The following SEMA5B variants were observed in gnomAD, a reference collection of about 807,000 sequenced individuals.
SEMA5B encodes semaphorin 5B, also known as semaphorin-5B.
Under a neutral mutation model 135.0 loss-of-function variants are expected in SEMA5B, and 66 were observed. The ratio of observed to expected loss-of-function variants is 0.49; its 90% CI spans 0.40 to 0.60. SEMA5B has a LOEUF of 0.60. SEMA5B is among the 20% of genes least tolerant of loss of function. SEMA5B has a pLI of 0.00. For synonymous variants in SEMA5B, 690 were observed against 639.5 expected (o/e 1.08, Z -1.19); for missense variants, 1,501 against 1,566.3 (o/e 0.96, Z 0.70).
rs1032481659 is a variant in SEMA5B, at chr3:123,000,113, C to A, written c.-39+27351G>T. Reference sequence around the variant, plus strand: ...GTCCCAGCTACTCAGGAGGTTGAGGCAGGAGACTCGCTTGGACCCAGGAGG... The same window carrying A: ...GTCCCAGCTACTCAGGAGGTTGAGGAAGGAGACTCGCTTGGACCCAGGAGG... On this transcript the variant is annotated intron_variant, in intron 1 of 22. Coordinates refer to ENST00000357599, the MANE Select transcript of SEMA5B (RefSeq NM_001031702.4). 3.3e-5 allele frequency among the ~76,000 whole-genome samples: 5 copies of A among 152,174 alleles called. No homozygotes were observed. The South Asian group carries it at 1.0e-3, about 32-fold the overall frequency.
At position 122,987,824 on chromosome 3, in the gene SEMA5B, G is replaced by T. The variant is rs571421984; in HGVS notation, c.-38-26523C>A. Among the ~76,000 whole-genome samples the T allele has an allele frequency of 3.3e-5, 5 of 152,276 alleles. No individual in the cohort carries two copies. In the East Asian group the frequency reaches 9.6e-4, roughly 29 times the overall value. On this transcript the variant is annotated intron_variant, in intron 1 of 22. Coordinates refer to ENST00000357599, the MANE Select transcript of SEMA5B (RefSeq NM_001031702.4). ...AATCAGGACATAAGTAGTGAGTTTT[G>T]TTGGGGTTGGGTTTTTGAAATTTAT...
In SEMA5B at chr3:122,923,760, G is replaced by A. The variant is rs1482945383; in HGVS notation, c.1137-8C>T. Reference sequence around the variant, plus strand: ...GAAGCCGCGATGCTGTTTCTGAAAGGCAAGAAGTGGTGGCACAGGGCCCTC... The same window carrying A: ...GAAGCCGCGATGCTGTTTCTGAAAGACAAGAAGTGGTGGCACAGGGCCCTC... On this transcript the variant is annotated splice_region_variant and splice_polypyrimidine_tract_variant and intron_variant, in intron 9 of 22. Coordinates refer to ENST00000357599, the MANE Select transcript of SEMA5B (RefSeq NM_001031702.4). The A allele has an allele frequency of 1.2e-6, 2 of 1,613,850 alleles. No individual in the cohort carries two copies. The highest frequency in any genetic ancestry group is 1.7e-6 in the Non-Finnish European group (2 of 1,179,960).
intron 12 of SEMA5B, among the ~76,000 whole-genome samples, chr3:122,921,340 T>C (rs969009495): frequency 4.8e-4 from 73 of 152,272 alleles, no homozygotes; most frequent in African/African-American, 1.7e-3. Flanking sequence ...AATCTGTGAG[T>C]CCGCTTGAAG....
chr3:123,003,873 A>G (rs1262100207), intron 1 of SEMA5B, among the ~76,000 whole-genome samples: 1 of 152,012 alleles, frequency 6.6e-6, no homozygotes, highest in Non-Finnish European at 1.5e-5. Flanking sequence ...TAATAAAAAG[A>G]AAGTTCTTGA....
chr3:123,009,072 G>A (rs1011775780), intron 1 of SEMA5B, among the ~76,000 whole-genome samples: 5 of 152,168 alleles, frequency 3.3e-5, no homozygotes, highest in South Asian at 2.1e-4. Context: ...CATAAGACAC[G>A]GACCCGGTGG....
chr3:122,913,631 C>G lies in SEMA5B; in HGVS notation c.2183G>C (p.Trp728Ser), dbSNP rs1256131458. 6.2e-7 allele frequency: 1 copy of G among 1,613,526 alleles called. No individual in the cohort carries two copies. The highest frequency in any genetic ancestry group is 8.5e-7 in the Non-Finnish European group (1 of 1,179,964). ...GCTGCTGCACTTGCTCCAGGAGCCC[C>G]AGGAAGCCCAGAAGATGGGCACCGG... is the stretch of plus-strand genomic sequence containing the variant. The part of the protein sequence containing the change: ...PCPVPIFWAS[W>S]GSWSKCSSNC... The change falls in exon 16 of 23, where the codon TGG becomes TCG. Residue 728 changes from tryptophan to serine, a missense_variant. Transcript: ENST00000357599.
chr3:122,933,849 T>C (rs1939105279), intron 5 of SEMA5B, among the ~76,000 whole-genome samples: 1 of 152,128 alleles, frequency 6.6e-6, no homozygotes, highest in South Asian at 2.1e-4. Context: ...AAGTTTATTG[T>C]TTTATAAACA....
chr3:123,018,421 C>G (rs1942608014), intron 1 of SEMA5B, among the ~76,000 whole-genome samples: 1 of 152,246 alleles, frequency 6.6e-6, no homozygotes, highest in Non-Finnish European at 1.5e-5. Context: ...AGAGGAGCTT[C>G]TTTCACCAGA....
Position 122,922,364 on chromosome 3 carries a change from G to T in SEMA5B, c.1356C>A (p.Ser452Arg), listed in dbSNP as rs758040580. The part of the protein sequence containing the change: ...LQDAQRLFLM[S>R]EAVQPVTPEP... Reference sequence around the variant, plus strand: ...CGGGTGTCACCGGCTGCACGGCCTCGCTCATCAGGAAGAGGCGCTGCGCGT... The same window carrying T: ...CGGGTGTCACCGGCTGCACGGCCTCTCTCATCAGGAAGAGGCGCTGCGCGT... Residue 452 changes from serine to arginine, a missense_variant, in exon 11 of 23, where the codon AGC becomes AGA. Around this residue, in one of 2 missense-constraint regions of SEMA5B, gnomAD observed 574 missense variants for 684.7 expected, o/e 0.84. Coordinates refer to ENST00000357599, the MANE Select transcript of SEMA5B (RefSeq NM_001031702.4). 1 of 1,613,102 alleles carries T rather than the reference G, an allele frequency of 6.2e-7. No individual in the cohort carries two copies. The highest frequency in any genetic ancestry group is 8.5e-7 in the Non-Finnish European group (1 of 1,179,654).
intron 1 of SEMA5B, among the ~76,000 whole-genome samples, chr3:123,023,003 T>A (rs1259551050): frequency 6.6e-6 from 1 of 152,184 alleles, no homozygotes; most frequent in Admixed American, 6.5e-5. Context: ...TGTTCCAGAT[T>A]ACCCATTAGA....
chr3:123,026,872 G>T (rs1251496428), intron 1 of SEMA5B, among the ~76,000 whole-genome samples: 1 of 152,244 alleles, frequency 6.6e-6, no homozygotes, highest in Non-Finnish European at 1.5e-5. Flanking sequence ...GAGCCTGGTG[G>T]GCAGAGTTCA....
At chr3:123,008,626 T>G (rs1200474986) in intron 1 of SEMA5B, among the ~76,000 whole-genome samples, 1 of 152,098 alleles carries the variant, frequency 6.6e-6, no homozygotes, top group East Asian at 1.9e-4. Context: ...ATGTCAACAA[T>G]GTCAAATTTG....
At chr3:122,998,337 C>T (rs181574897) in intron 1 of SEMA5B, among the ~76,000 whole-genome samples, 6 of 151,524 alleles carry the variant, frequency 4.0e-5, no homozygotes, top group Non-Finnish European at 7.4e-5. Context: ...GCGGAAAGGA[C>T]GGGGCTTTGG....
chr3:122,913,482 C>G, intron 16 of SEMA5B, 52 bp downstream of exon 16: 2 of 1,574,986 alleles, frequency 1.3e-6, no homozygotes, highest in Middle Eastern at 1.7e-4. Context: ...CCGCCCTCCC[C>G]TCGGCTCCAG....
intron 12 of SEMA5B, 38 bp downstream of exon 12, chr3:122,921,877 G>T (rs1444041631): frequency 4.0e-6 from 6 of 1,499,024 alleles, no homozygotes; most frequent in Non-Finnish European, 5.3e-6. Context: ...CGCCTCCTCC[G>T]CAGTGGAGGC....
chr3:123,002,898 C>G (rs76088924), intron 1 of SEMA5B, among the ~76,000 whole-genome samples: 6,589 of 152,238 alleles, frequency 0.043, 175 homozygotes, highest in Middle Eastern at 0.075. Context: ...TGACCCCGGA[C>G]ATACTTATTT....
chr3:122,929,724 G>T (rs1938858141), intron 5 of SEMA5B, among the ~76,000 whole-genome samples: 1 of 152,106 alleles, frequency 6.6e-6, no homozygotes, highest in Non-Finnish European at 1.5e-5. Context: ...CCCACTGTCT[G>T]CACTTTCCTC....
intron 1 of SEMA5B, among the ~76,000 whole-genome samples, chr3:122,968,481 G>A (rs780821925): frequency 2.2e-4 from 34 of 152,204 alleles, no homozygotes; most frequent in Non-Finnish European, 1.3e-4. Flanking sequence ...TGGGGATCCA[G>A]CCCCAAGGTG....
At chr3:122,934,750 T>C (rs989384785) in intron 5 of SEMA5B, among the ~76,000 whole-genome samples, 2 of 152,036 alleles carry the variant, frequency 1.3e-5, no homozygotes, top group Non-Finnish European at 2.9e-5. Flanking sequence ...GTATGGTGGC[T>C]TATACCTGTA....
Sources: gnomAD v4.1 joint callset for allele counts (sites outside exome capture counted in the v4.1 genomes callset) on GRCh38, gnomAD v4.1.1 for gene constraint, gnomAD v4.1.1 regional missense constraint, MANE v1.5 for transcripts, NCBI Gene and HGNC (gene_info 2026-07-23, HGNC 2026-07-21) for gene names.